IL19: variants seen among roughly 807,000 people sequenced by gnomAD.
IL19 encodes interleukin-19.
In IL19, 15 loss-of-function variants were observed where a neutral mutation model predicts 19.5. The observed-to-expected ratio is 0.77, with a 90% confidence interval of 0.52 to 1.19. The LOEUF (loss-of-function observed/expected upper bound fraction) is 1.19, where lower values mean the gene tolerates loss of function less well. Ranked by LOEUF, IL19 falls within the 50% of genes most tolerant of loss-of-function variation. The probability of loss-of-function intolerance (pLI) is 0.00; values close to 1 mark genes in which losing one functional copy is unlikely to be tolerated. For synonymous variants in IL19, 78 were observed against 78.3 expected, an observed-to-expected ratio of 1.00 and a Z score of 0.02; for missense variants, 199 against 213.1, an observed-to-expected ratio of 0.93 and a Z score of 0.41.
intron 2 of IL19, among the ~76,000 whole-genome samples, chr1:206,825,670 T>C (rs546307810): frequency 1.3e-5 from 2 of 152,342 alleles, no homozygotes; most frequent in East Asian, 3.9e-4. Flanking sequence ...AGAAGAATAA[T>C]GTTTCTACAG....
At chr1:206,838,255 T>A (rs1244567858) in intron 4 of IL19, among the ~76,000 whole-genome samples, 1 of 152,214 alleles carries the variant, frequency 6.6e-6, no homozygotes, top group Non-Finnish European at 1.5e-5. Flanking sequence ...AAAAGGCCCA[T>A]GAGAGATGCC....
At chr1:206,812,136 AT>A (rs1676030838) in intron 2 of IL19, among the ~76,000 whole-genome samples, 1 of 152,210 alleles carries the variant, frequency 6.6e-6, no homozygotes, top group Non-Finnish European at 1.5e-5. Context: ...GGGGTTCTAC[AT>A]TACAGGATGT....
intron 2 of IL19, among the ~76,000 whole-genome samples, chr1:206,827,720 A>G (rs1401014701): frequency 6.6e-6 from 1 of 151,660 alleles, no homozygotes; most frequent in Non-Finnish European, 1.5e-5. Flanking sequence ...CAAAAAAAAC[A>G]AAAAGAACAA....
intron 2 of IL19, among the ~76,000 whole-genome samples, chr1:206,835,050 GTTAC>G (rs1676739354): frequency 6.6e-6 from 1 of 152,296 alleles, no homozygotes; most frequent in East Asian, 1.9e-4. Context: ...CAGGATAAAT[GTTAC>G]TTACTACTAA....
chr1:206,794,833 G>T (rs79019507), intron 1 of IL19, among the ~76,000 whole-genome samples: 136 of 152,278 alleles, frequency 8.9e-4, no homozygotes, highest in African/African-American at 3.1e-3. Flanking sequence ...CTGGAATCCT[G>T]CTATGCTCCC....
intron 2 of IL19, among the ~76,000 whole-genome samples, chr1:206,799,471 A>C (rs1380781716): frequency 2.6e-5 from 4 of 152,210 alleles, no homozygotes; most frequent in Non-Finnish European, 5.9e-5. Flanking sequence ...CAGGAGCAGA[A>C]GTCATCAGAA....
chr1:206,795,559 T>C (rs1474113136), intron 1 of IL19, among the ~76,000 whole-genome samples: 1 of 152,206 alleles, frequency 6.6e-6, no homozygotes, highest in African/African-American at 2.4e-5. Context: ...TTTAGGATTG[T>C]GAACTGTAGA....
chr1:206,770,835 G>A lies in IL19; in HGVS notation c.-392G>A. On this transcript the variant is annotated 5_prime_UTR_variant, in exon 1 of 7. The change creates a new upstream start codon in the 5' untranslated region. Coordinates refer to ENST00000659997, the MANE Select transcript of IL19 (RefSeq NM_153758.5). ...GTCTTTGCTGTGTCTGTGGATGTGA[G>A]TGTCCCTGCTGGTCTGTAGGAGATG... The A allele has an allele frequency of 7.1e-6, 10 of 1,411,272 alleles. No individual in the cohort carries two copies. Among genetic ancestry groups the A allele is most frequent in the Non-Finnish European group, 1.0e-5 (10 of 993,848 alleles). 87.4% of individuals were successfully genotyped at this position (1,411,272 alleles called of 1,614,324 possible).
rs1408523006 is a variant in IL19 at position 206,841,876 on chromosome 1, G to A, written c.439-651G>A. Among the ~76,000 whole-genome samples the A allele has an allele frequency of 2.0e-5, 3 of 152,134 alleles. No individual in the cohort carries two copies. In the East Asian group the frequency reaches 5.8e-4, roughly 29 times the overall value. ...TGGATACATTAAGAAACTGAGGCTC[G>A]AGCAGGTAAAGTAACTAAACTAAGT... On this transcript the variant is annotated intron_variant, in intron 6 of 6. Transcript: ENST00000659997.
chr1:206,777,389 AGAGC>A (rs1485372215), intron 1 of IL19, among the ~76,000 whole-genome samples: 126 of 148,528 alleles, frequency 8.5e-4, no homozygotes, highest in Admixed American at 1.5e-3. Flanking sequence ...CCTGGGCGAC[AGAGC>A]GAGACTCCGT....
At chr1:206,838,285 A>T (rs1246398612) in intron 4 of IL19, among the ~76,000 whole-genome samples, 1 of 152,238 alleles carries the variant, frequency 6.6e-6, no homozygotes, top group East Asian at 1.9e-4. Flanking sequence ...GAGCTCCTCC[A>T]GTCCTGGGAA....
chr1:206,790,347 A>C (rs2102453899), intron 1 of IL19, among the ~76,000 whole-genome samples: 1 of 152,246 alleles, frequency 6.6e-6, no homozygotes, highest in African/African-American at 2.4e-5. Context: ...CCAGAAAAAA[A>C]ACTGAGCCCC....
intron 1 of IL19, among the ~76,000 whole-genome samples, chr1:206,780,264 G>A (rs189974308): frequency 6.6e-6 from 1 of 152,282 alleles, no homozygotes; most frequent in African/African-American, 2.4e-5. Flanking sequence ...CCACTTCGAG[G>A]GCAGGGCCTG....
chr1:206,826,328 A>G (rs945291469), intron 2 of IL19, among the ~76,000 whole-genome samples: 2 of 152,202 alleles, frequency 1.3e-5, no homozygotes, highest in Admixed American at 6.5e-5. Flanking sequence ...GGAGATTTAG[A>G]CAACCCAGGG....
At chr1:206,826,784 A>G (rs747451917) in intron 2 of IL19, among the ~76,000 whole-genome samples, 9 of 152,238 alleles carry the variant, frequency 5.9e-5, no homozygotes, top group Non-Finnish European at 1.2e-4. Context: ...CTCTCAAGCC[A>G]TCCTCTATGC....
At chr1:206,811,792 AG>A (rs766381479) in intron 2 of IL19, among the ~76,000 whole-genome samples, 1 of 152,164 alleles carries the variant, frequency 6.6e-6, no homozygotes, top group African/African-American at 2.4e-5. Flanking sequence ...GCCAGCCCCC[AG>A]GGGCAGATTG....
intron 2 of IL19, 121 bp downstream of exon 2, chr1:206,799,127 G>T: frequency 1.4e-6 from 1 of 722,178 alleles, no homozygotes; most frequent in Non-Finnish European, 2.4e-6. Context: ...TGACAGGACT[G>T]CCTTTGTCTG....
chr1:206,811,891 C>A (rs528654226), intron 2 of IL19, among the ~76,000 whole-genome samples: 1 of 152,170 alleles, frequency 6.6e-6, no homozygotes, highest in Non-Finnish European at 1.5e-5. Flanking sequence ...ATTTGCTTTC[C>A]TGTCCAAAAA....
chr1:206,815,046 G>A (rs1266415426), intron 2 of IL19, among the ~76,000 whole-genome samples: 1 of 152,168 alleles, frequency 6.6e-6, no homozygotes, highest in South Asian at 2.1e-4. Context: ...AATTTTAGCT[G>A]AAACAGCTCA....
Sources: allele counts gnomAD v4.1 joint callset (sites outside exome capture counted in the v4.1 genomes callset), GRCh38; gene constraint gnomAD v4.1.1; transcripts MANE v1.5; gene names NCBI Gene and HGNC (gene_info 2026-07-23, HGNC 2026-07-21).